Variants in PTPRD observed in about 807,000 individuals in gnomAD.
PTPRD encodes protein tyrosine phosphatase receptor type D, also known as receptor-type tyrosine-protein phosphatase delta.
In PTPRD, 34 loss-of-function variants were observed where a neutral mutation model predicts 214.5. That is an observed-to-expected ratio of 0.16 (90% CI 0.12 to 0.21). The LOEUF (loss-of-function observed/expected upper bound fraction) is 0.21, where lower values mean the gene tolerates loss of function less well. Ranked by LOEUF, PTPRD falls within the 10% of genes least tolerant of loss-of-function variation. The probability of loss-of-function intolerance (pLI) is 1.00; values close to 1 mark genes in which losing one functional copy is unlikely to be tolerated. For synonymous variants in PTPRD, 1,128 were observed against 845.7 expected, an observed-to-expected ratio of 1.33 and a Z score of -5.79; for missense variants, 2,545 against 2,398.7, an observed-to-expected ratio of 1.06 and a Z score of -1.27.
chr9:9,416,241 A>G (rs1211082801), intron 8 of PTPRD, among the ~76,000 whole-genome samples: 1 of 152,178 alleles, frequency 6.6e-6, no homozygotes, highest in Non-Finnish European at 1.5e-5. Flanking sequence ...CTGAAATTAG[A>G]GAACTCATTC....
At chr9:9,102,317 A>G (rs2099792489) in intron 10 of PTPRD, among the ~76,000 whole-genome samples, 1 of 152,216 alleles carries the variant, frequency 6.6e-6, no homozygotes, top group Admixed American at 6.5e-5. Flanking sequence ...TTTTGAATTT[A>G]CCATTCTATG....
chr9:10,426,301 G>C (rs1024170829), intron 2 of PTPRD, among the ~76,000 whole-genome samples: 1 of 151,790 alleles, frequency 6.6e-6, no homozygotes, highest in Non-Finnish European at 1.5e-5. Flanking sequence ...TATTGTCATT[G>C]CTCTGAGTTA....
intron 2 of PTPRD, among the ~76,000 whole-genome samples, chr9:10,528,945 A>T (rs2055203529): frequency 6.6e-6 from 1 of 152,184 alleles, no homozygotes; most frequent in East Asian, 1.9e-4. Context: ...GGTGGATGGA[A>T]AAAAGAGAAA....
At chr9:8,892,709 G>A (rs1002785781) in intron 11 of PTPRD, among the ~76,000 whole-genome samples, 20 of 140,696 alleles carry the variant, frequency 1.4e-4, no homozygotes, top group African/African-American at 2.5e-4. Context: ...ATATGTGTGC[G>A]TATATGTGTA....
At chr9:9,106,064 T>G (rs2099798080) in intron 10 of PTPRD, among the ~76,000 whole-genome samples, 1 of 152,098 alleles carries the variant, frequency 6.6e-6, no homozygotes, top group Admixed American at 6.6e-5. Flanking sequence ...TGGAAGAATT[T>G]CCAAAGGTTG....
chr9:8,679,052 T>C (rs900756900), intron 12 of PTPRD, among the ~76,000 whole-genome samples: 4 of 152,126 alleles, frequency 2.6e-5, no homozygotes, highest in African/African-American at 7.2e-5. Flanking sequence ...TCGAAGTACA[T>C]AGAGGGTTGG....
At chr9:10,367,327 G>C (rs140598850) in intron 2 of PTPRD, among the ~76,000 whole-genome samples, 29 of 152,210 alleles carry the variant, frequency 1.9e-4, no homozygotes, top group African/African-American at 7.0e-4. Context: ...ACCCTCTTAA[G>C]AGCTCAAGTC....
chr9:9,558,408 C>G (rs2082059182), intron 8 of PTPRD, among the ~76,000 whole-genome samples: 2 of 152,186 alleles, frequency 1.3e-5, no homozygotes. Context: ...TCCTTACACT[C>G]CACCCCTTTG....
intron 8 of PTPRD, among the ~76,000 whole-genome samples, chr9:9,401,850 A>G (rs995568794): frequency 3.9e-5 from 6 of 151,924 alleles, no homozygotes; most frequent in African/African-American, 1.2e-4. Context: ...TGGCTCGGCA[A>G]TTCTTTCTGC....
intron 7 of PTPRD, among the ~76,000 whole-genome samples, chr9:9,689,498 A>G (rs941534757): frequency 2.0e-5 from 3 of 151,768 alleles, no homozygotes; most frequent in Non-Finnish European, 4.4e-5. Flanking sequence ...TGAATATGTG[A>G]CTTATTCTCT....
intron 9 of PTPRD, among the ~76,000 whole-genome samples, chr9:9,334,165 A>G (rs181178262): frequency 4.1e-4 from 62 of 152,164 alleles, no homozygotes; most frequent in Admixed American, 3.4e-3. Context: ...AATTTACTTA[A>G]GTCTCACTCC....
intron 3 of PTPRD, among the ~76,000 whole-genome samples, chr9:10,311,701 G>A (rs1044923719): frequency 6.6e-6 from 1 of 152,020 alleles, no homozygotes; most frequent in African/African-American, 2.4e-5. Flanking sequence ...GTTATTGATA[G>A]TAGTGGCATT....
intron 14 of PTPRD, among the ~76,000 whole-genome samples, chr9:8,614,662 A>T (rs2095553183): frequency 6.6e-6 from 1 of 152,166 alleles, no homozygotes; most frequent in Admixed American, 6.5e-5. Context: ...ATAAGAGGGC[A>T]TATAAGGGAT....
chr9:9,989,016 CAAAAAA>C (rs397836899), intron 4 of PTPRD, among the ~76,000 whole-genome samples: 4,298 of 35,562 alleles, frequency 0.12, 58 homozygotes, highest in East Asian at 0.25. Context: ...TTTCACTGAC[CAAAAAA>C]AAAAAAAAAA....
chr9:9,923,966 T>C (rs1187658810), intron 5 of PTPRD, among the ~76,000 whole-genome samples: 1 of 151,972 alleles, frequency 6.6e-6, no homozygotes, highest in Non-Finnish European at 1.5e-5. Context: ...AATCTAAACA[T>C]ATGAAGGATG....
intron 7 of PTPRD, among the ~76,000 whole-genome samples, chr9:9,662,248 A>C (rs535485438): frequency 2.6e-4 from 39 of 151,718 alleles, no homozygotes; most frequent in African/African-American, 9.4e-4. Context: ...TCATAACAAA[A>C]CCATTACCTA....
chr9:9,145,348 T>G (rs1477388891), intron 10 of PTPRD, among the ~76,000 whole-genome samples: 1 of 152,308 alleles, frequency 6.6e-6, no homozygotes, highest in East Asian at 1.9e-4. Context: ...AAAATTTCCT[T>G]TGATTATTGC....
intron 4 of PTPRD, among the ~76,000 whole-genome samples, chr9:9,952,075 G>C (rs1442474055): frequency 6.6e-6 from 1 of 152,128 alleles, no homozygotes; most frequent in Non-Finnish European, 1.5e-5. Flanking sequence ...GCTGAGGATG[G>C]TAGTAAAATT....
intron 6 of PTPRD, among the ~76,000 whole-genome samples, chr9:9,747,992 C>A (rs2098475480): frequency 6.6e-6 from 1 of 152,126 alleles, no homozygotes; most frequent in Non-Finnish European, 1.5e-5. Flanking sequence ...AAGCTTATGA[C>A]AGAAGAATTA....
Sources: gnomAD v4.1 joint callset for allele counts (sites outside exome capture counted in the v4.1 genomes callset) on GRCh38, gnomAD v4.1.1 for gene constraint, MANE v1.5 for transcripts, NCBI Gene and HGNC (gene_info 2026-07-23, HGNC 2026-07-21) for gene names.